The following SLC7A1 variants were observed in gnomAD, a reference collection of about 807,000 sequenced individuals.
The protein encoded by SLC7A1 is solute carrier family 7 member 1.
In SLC7A1, 10 loss-of-function variants were observed where a neutral mutation model predicts 53.9. The ratio of observed to expected loss-of-function variants is 0.19; its 90% CI spans 0.11 to 0.31. The LOEUF is 0.31. Among genes scored for constraint, SLC7A1 ranks in the 10% least tolerant of loss-of-function variants. The pLI, the probability that SLC7A1 is intolerant of heterozygous loss-of-function variation, is 1.00. For synonymous variants in SLC7A1, 342 were observed against 338.7 expected (o/e 1.01, Z -0.11); for missense variants, 525 against 827.2 (o/e 0.63, Z 4.48).
chr13:29,584,932 T>C (rs1248163788), intron 1 of SLC7A1, among the ~76,000 whole-genome samples: 1 of 152,240 alleles, frequency 6.6e-6, no homozygotes, highest in African/African-American at 2.4e-5. Flanking sequence ...GACAGGTTCT[T>C]CGTCGCATCA....
intron 2 of SLC7A1, among the ~76,000 whole-genome samples, chr13:29,548,712 T>G (rs1870038146): frequency 6.6e-6 from 1 of 152,236 alleles, no homozygotes; most frequent in African/African-American, 2.4e-5. Context: ...AGCACAATAT[T>G]TTAATCCAAC....
At chr13:29,525,596 C>G (rs1310065198) in intron 5 of SLC7A1, among the ~76,000 whole-genome samples, 5 of 152,136 alleles carry the variant, frequency 3.3e-5, no homozygotes, top group African/African-American at 1.2e-4. Flanking sequence ...GGGGATTAAG[C>G]CTTACTAATT....
intron 3 of SLC7A1, among the ~76,000 whole-genome samples, chr13:29,533,351 T>C (rs571707139): frequency 1.3e-5 from 2 of 152,328 alleles, no homozygotes; most frequent in South Asian, 2.1e-4. Context: ...TAAACATTGA[T>C]GACAACTCAT....
chr13:29,517,273 A>G lies in SLC7A1; in HGVS notation c.1548T>C (p.Leu516=), dbSNP rs763876551. ...LIITFCIVTV[L]GREALTKGAL... ...CCCCTTTGGTGAGAGCCTCCCTTCC[A>G]AGCACGGTCACAATGCAGAAGGTGA... Residue 516 remains leucine, a synonymous_variant, in exon 11 of 13, where the codon CTT becomes CTC. Transcript: ENST00000380752. The G allele has an allele frequency of 3.1e-6, 5 of 1,613,406 alleles. No homozygotes were observed. Among genetic ancestry groups the G allele is most frequent in the Non-Finnish European group, 4.2e-6 (5 of 1,179,732 alleles).
At position 29,524,138 on chromosome 13, in the gene SLC7A1, T is replaced by A; in HGVS notation, c.820A>T (p.Thr274Ser). Residue 274 changes from threonine to serine, a missense_variant, in exon 6 of 13, where the codon ACC becomes TCC. By Grantham distance (58) the Thr-to-Ser change is moderately conservative. This residue lies in a region of SLC7A1 where 354 missense variants were observed against 587.5 expected (regional missense o/e 0.60). Transcript: ENST00000380752. ...CAGTGGCTGGCGGACATACCTGTGGTGGCGATGCAGTCAAAGCCCACGAAG... is the reference window on the plus strand; with the variant it reads ...CAGTGGCTGGCGGACATACCTGTGGAGGCGATGCAGTCAAAGCCCACGAAG... The part of the protein sequence containing the change: ...YAFVGFDCIA[T>S]TGEEVKNPQK... 1.2e-6 allele frequency: 2 copies of A among 1,612,658 alleles called. No homozygotes were observed. The highest frequency in any genetic ancestry group is 1.7e-6 in the Non-Finnish European group (2 of 1,179,748).
At chr13:29,585,996 CA>C (rs1871863853) in intron 1 of SLC7A1, among the ~76,000 whole-genome samples, 1 of 152,204 alleles carries the variant, frequency 6.6e-6, no homozygotes, top group African/African-American at 2.4e-5. Flanking sequence ...CAGGACAGGA[CA>C]AACTGGCCCA....
chr13:29,523,228 C>A, intron 7 of SLC7A1, 38 bp downstream of exon 7: 1 of 1,542,990 alleles, frequency 6.5e-7, no homozygotes, highest in South Asian at 1.1e-5. Flanking sequence ...GCTGGTGGTT[C>A]CACCCCTAGG....
chr13:29,520,313 G>A (rs116541057), intron 8 of SLC7A1, among the ~76,000 whole-genome samples: 3,403 of 152,206 alleles, frequency 0.022, 115 homozygotes, highest in African/African-American at 0.078. Flanking sequence ...CAAGACACAG[G>A]CATTAGTGGA....
chr13:29,556,529 C>T (rs994684425), intron 1 of SLC7A1, among the ~76,000 whole-genome samples: 4 of 152,150 alleles, frequency 2.6e-5, no homozygotes, highest in Non-Finnish European at 5.9e-5. Flanking sequence ...CAGGTGCACA[C>T]CACCACGCCT....
At chr13:29,514,799 G>C (rs752746999) in intron 12 of SLC7A1, among the ~76,000 whole-genome samples, 11 of 152,236 alleles carry the variant, frequency 7.2e-5, no homozygotes, top group Admixed American at 4.6e-4. Flanking sequence ...AAAGCCCTAC[G>C]TTCCTCTGGA....
intron 2 of SLC7A1, among the ~76,000 whole-genome samples, chr13:29,542,316 G>A (rs1318447352): frequency 1.1e-4 from 16 of 152,066 alleles, no homozygotes; most frequent in African/African-American, 1.2e-4. Context: ...TTAGCTGGGC[G>A]TGGTGGCAGG....
chr13:29,531,788 C>T (rs915113741), intron 4 of SLC7A1, among the ~76,000 whole-genome samples: 5 of 151,984 alleles, frequency 3.3e-5, no homozygotes, highest in Non-Finnish European at 7.4e-5. Flanking sequence ...GAGCCAAGAT[C>T]GCGCAACTGC....
chr13:29,552,929 T>C (rs1456100751), intron 2 of SLC7A1, among the ~76,000 whole-genome samples: 1 of 152,190 alleles, frequency 6.6e-6, no homozygotes, highest in Non-Finnish European at 1.5e-5. Flanking sequence ...CTACATGCTA[T>C]GCCAAACCCA....
At chr13:29,563,478 G>A (rs1304318862) in intron 1 of SLC7A1, among the ~76,000 whole-genome samples, 1 of 152,174 alleles carries the variant, frequency 6.6e-6, no homozygotes, top group Non-Finnish European at 1.5e-5. Flanking sequence ...TCACGCCCCT[G>A]GAGAACACCC....
intron 3 of SLC7A1, among the ~76,000 whole-genome samples, chr13:29,534,932 G>C (rs1593550055): frequency 6.6e-6 from 1 of 152,200 alleles, no homozygotes; most frequent in African/African-American, 2.4e-5. Context: ...AGCATAAAGA[G>C]AAGCAAAGCG....
chr13:29,592,656 T>C (rs1050074230), intron 1 of SLC7A1, among the ~76,000 whole-genome samples: 30 of 152,174 alleles, frequency 2.0e-4, no homozygotes, highest in African/African-American at 7.2e-4. Context: ...AGGAGGCAGA[T>C]TATGGCAAAA....
At chr13:29,555,717 T>G (rs1191377417) in intron 1 of SLC7A1, among the ~76,000 whole-genome samples, 4 of 152,150 alleles carry the variant, frequency 2.6e-5, no homozygotes, top group African/African-American at 9.7e-5. Context: ...CAACATTTGC[T>G]GCGAGTGATA....
At chr13:29,542,804 C>T (rs1399269097) in intron 2 of SLC7A1, among the ~76,000 whole-genome samples, 6 of 109,188 alleles carry the variant, frequency 5.5e-5, no homozygotes, top group Non-Finnish European at 1.5e-4. Context: ...AATTATGCAG[C>T]TTAAAAAAAA....
chr13:29,548,248 A>G (rs938253540), intron 2 of SLC7A1, among the ~76,000 whole-genome samples: 1 of 152,252 alleles, frequency 6.6e-6, no homozygotes, highest in Non-Finnish European at 1.5e-5. Context: ...GGAGTAGTTC[A>G]CAGGCTATTC....
Sources: allele counts gnomAD v4.1 joint callset (sites outside exome capture counted in the v4.1 genomes callset), GRCh38; gene constraint gnomAD v4.1.1; regional missense constraint gnomAD v4.1.1; transcripts MANE v1.5; gene names NCBI Gene and HGNC (gene_info 2026-07-23, HGNC 2026-07-21).